The following MFSD2B variants were observed in gnomAD, a reference collection of about 807,000 sequenced individuals.
The protein encoded by MFSD2B is sphingosine-1-phosphate transporter MFSD2B.
In MFSD2B, 56 loss-of-function variants were observed where a neutral mutation model predicts 58.4. The ratio of observed to expected loss-of-function variants is 0.96; its 90% CI spans 0.77 to 1.20. MFSD2B has a LOEUF of 1.20. Ranked by LOEUF, MFSD2B falls within the 50% of genes most tolerant of loss-of-function variation. The pLI, the probability that MFSD2B is intolerant of heterozygous loss-of-function variation, is 0.00. For missense variants in MFSD2B, 645 were observed against 667.6 expected, an observed-to-expected ratio of 0.97 and a Z score of 0.37; for synonymous variants, 287 against 294.4, an observed-to-expected ratio of 0.97 and a Z score of 0.26.
In MFSD2B at chr2:24,023,264, G is replaced by C. The variant is rs374517242; in HGVS notation, c.1169+25G>C. ...GGTAGGCTGGGTGTGGGGGCCTCAC[G>C]TGTGTCCACAGTGGGTGTCACCTCC... On this transcript the variant is annotated intron_variant, in intron 11 of 13. Transcript: ENST00000338315. The surrounding 1 kb of genome is among the most constrained non-coding windows in gnomAD (Gnocchi z 5.0). 1.5e-5 allele frequency: 24 copies of C among 1,567,232 alleles called. No homozygotes were observed. In the Admixed American group the frequency reaches 3.3e-4, roughly 22 times the overall value.
chr2:24,010,331 G>A, intron 1 of MFSD2B, 139 bp downstream of exon 1: 1 of 628,630 alleles, frequency 1.6e-6, no homozygotes, highest in Non-Finnish European at 2.4e-6. Flanking sequence ...GCCCTCGCGG[G>A]GTTACACGGC....
intron 2 of MFSD2B, 98 bp downstream of exon 2, chr2:24,013,508 A>G (rs1709029818): frequency 7.8e-7 from 1 of 1,279,204 alleles, no homozygotes; most frequent in Non-Finnish European, 1.0e-6. Flanking sequence ...CCTTGTAGAC[A>G]GCACTTCTGA....
chr2:24,012,691 G>T lies in MFSD2B; in HGVS notation c.97-594G>T, dbSNP rs115903294. Among the ~76,000 whole-genome samples, 1,486 of 152,302 alleles carry T rather than the reference G, an allele frequency of 9.8e-3. 19 individuals carry two copies. Among genetic ancestry groups the T allele is most frequent in the African/African-American group, 0.034 (1,401 of 41,566 alleles). On this transcript the variant is annotated intron_variant, in intron 1 of 13. Coordinates refer to ENST00000338315, the MANE Select transcript of MFSD2B (RefSeq NM_001346880.2). This position sits in a 1 kb window ranked among gnomAD's most constrained non-coding sequence, Gnocchi z 4.5. ...AAGTTTGTGGCCTGAGCCACTGAGG[G>T]GACCAGCGGTGCCATTTGCTAGGAG...
In MFSD2B at chr2:24,023,048, G is replaced by C. The variant is rs961406303; in HGVS notation, c.1060-82G>C. On this transcript the variant is annotated intron_variant, in intron 10 of 13. Transcript: ENST00000338315. The surrounding 1 kb of genome is among the most constrained non-coding windows in gnomAD (Gnocchi z 5.0). ...GGCCTAGCACAGGGCAAGGCATGGG[G>C]GTCGTCAGTCGAGTCGTGTGTGAAG... 3 of 1,360,280 alleles carry C rather than the reference G, an allele frequency of 2.2e-6. No individual in the cohort carries two copies. Among genetic ancestry groups the C allele is most frequent in the Admixed American group, 3.4e-5 (2 of 59,262 alleles). The allele number at this position is 1,360,280 out of a possible 1,614,324, so 84.3% of individuals were successfully genotyped here. A position where few individuals can be genotyped will look rare whatever the true frequency, so the allele number is the denominator to read the frequency against.
intron 1 of MFSD2B, chr2:24,013,014 T>C: frequency 3.1e-6 from 1 of 319,662 alleles, no homozygotes; most frequent in East Asian, 4.9e-5. Flanking sequence ...CCGTGCTGAC[T>C]CAGTAAATGA....
At chr2:24,019,115 T>G (rs1480815702) in intron 6 of MFSD2B, among the ~76,000 whole-genome samples, 1 of 152,100 alleles carries the variant, frequency 6.6e-6, no homozygotes, top group East Asian at 1.9e-4. Flanking sequence ...CCTCCCAAAG[T>G]GCTGGGATTA....
rs1662839912 is a variant in MFSD2B at position 24,022,704 on chromosome 2, C to G, written c.979-118C>G. The G allele has an allele frequency of 1.1e-6, 1 of 872,070 alleles. No homozygotes were observed. The highest frequency in any genetic ancestry group is 1.7e-6 in the Non-Finnish European group (1 of 576,044). The allele number at this position is 872,070 out of a possible 1,614,324, so 54.0% of individuals were successfully genotyped here. ...CCAGGATTACAACATTCATAGCCAC[C>G]GGTTTGAACCAGGGGCAAGGCCAAG... On this transcript the variant is annotated intron_variant, in intron 9 of 13. Coordinates refer to ENST00000338315, the MANE Select transcript of MFSD2B (RefSeq NM_001346880.2). The surrounding 1 kb of genome is among the most constrained non-coding windows in gnomAD (Gnocchi z 4.5).
At chr2:24,015,905 G>A (rs202156440) in intron 2 of MFSD2B, among the ~76,000 whole-genome samples, 1 of 152,240 alleles carries the variant, frequency 6.6e-6, no homozygotes, top group East Asian at 1.9e-4. Context: ...CCCCAGATGA[G>A]GGCCCTGGAG....
In MFSD2B at chr2:24,010,188, G is replaced by A. The variant is rs1186329519; in HGVS notation, c.92G>A (p.Arg31Gln). The stretch of plus-strand genomic sequence containing the variant: ...GGCCCGGGGAGCGCCAAGCGAGGGC[G>A]AGAGGTGAGCGGGGCGGCGGGGACC... ...EPGPGSAKRG[R>Q]EDSRAGRLSF... is the part of the protein sequence containing the mutation. Residue 31 changes from arginine to glutamine, a missense_variant, in exon 1 of 14, where the codon CGA becomes CAA. Transcript: ENST00000338315. 2 of 1,417,088 alleles carry A rather than the reference G, an allele frequency of 1.4e-6. No homozygotes were observed. Among genetic ancestry groups the A allele is most frequent in the Non-Finnish European group, 1.8e-6 (2 of 1,091,484 alleles). The allele number at this position is 1,417,088 out of a possible 1,614,324, so 87.8% of individuals were successfully genotyped here. A position where few individuals can be genotyped will look rare whatever the true frequency, so the allele number is the denominator to read the frequency against.
In MFSD2B at chr2:24,022,210, T is replaced by C. The variant is rs1662816780; in HGVS notation, c.895-223T>C. ...TCCTCTCACATTACCTGAAGTGTAG[T>C]CAAGTCCACCTGATCACAGCTGAGC... On this transcript the variant is annotated intron_variant, in intron 8 of 13. Transcript: ENST00000338315. The surrounding 1 kb of genome is among the most constrained non-coding windows in gnomAD (Gnocchi z 4.5). Among the ~76,000 whole-genome samples, 1 of 152,070 alleles carries C rather than the reference T, an allele frequency of 6.6e-6. No individual in the cohort carries two copies. The highest frequency in any genetic ancestry group is 2.4e-5 in the African/African-American group (1 of 41,386).
At chr2:24,018,845 T>C (rs1247595965) in intron 6 of MFSD2B, 1 of 148,414 alleles carries the variant, frequency 6.7e-6, no homozygotes, top group Non-Finnish European at 1.4e-5. Context: ...GTTGGCCTTT[T>C]GTGCTTTTTT....
chr2:24,014,081 C>T (rs1343688082), intron 2 of MFSD2B, among the ~76,000 whole-genome samples: 3 of 151,342 alleles, frequency 2.0e-5, no homozygotes, highest in Non-Finnish European at 2.9e-5. Flanking sequence ...GGCATGATCT[C>T]GGCTCACTGC....
Position 24,024,375 on chromosome 2 carries a change from C to A in MFSD2B, c.1490+104C>A. 8.6e-7 allele frequency: 1 copy of A among 1,168,174 alleles called. No homozygotes were observed. The highest frequency in any genetic ancestry group is 1.2e-6 in the Non-Finnish European group (1 of 839,788). 72.4% of individuals were successfully genotyped at this position (1,168,174 alleles called of 1,614,324 possible). The stretch of plus-strand genomic sequence containing the variant: ...ATCCCTGCTGTGTCACACAGTCCTG[C>A]CTCTGGGACCTCTTTCCTTAGCTCA... On this transcript the variant is annotated intron_variant, in intron 13 of 13. Transcript: ENST00000338315. The surrounding 1 kb of genome is among the most constrained non-coding windows in gnomAD (Gnocchi z 4.3).
chr2:24,014,044 G>A (rs368091668), intron 2 of MFSD2B, among the ~76,000 whole-genome samples: 207 of 148,558 alleles, frequency 1.4e-3, no homozygotes, highest in African/African-American at 4.7e-3. Context: ...ATGGAGTCTC[G>A]CTCTGTCACC....
intron 1 of MFSD2B, 85 bp from the exon 2 acceptor site, chr2:24,013,200 C>T: frequency 7.2e-7 from 1 of 1,380,580 alleles, no homozygotes. Context: ...ATCACAGAGA[C>T]TCAGGATGTT....
chr2:24,024,323 G>T lies in MFSD2B; in HGVS notation c.1490+52G>T. ...AGCGAGGCACAGTGTGGGCTGCTGGGGGAATGACTAACACCAGCCTGCAGA... is the reference window on the plus strand; with the variant it reads ...AGCGAGGCACAGTGTGGGCTGCTGGTGGAATGACTAACACCAGCCTGCAGA... On this transcript the variant is annotated intron_variant, in intron 13 of 13. Transcript: ENST00000338315. This position sits in a 1 kb window ranked among gnomAD's most constrained non-coding sequence, Gnocchi z 4.3. The T allele has an allele frequency of 1.3e-6, 2 of 1,523,558 alleles. No homozygotes were observed. Among genetic ancestry groups the T allele is most frequent in the Non-Finnish European group, 1.8e-6 (2 of 1,129,384 alleles). The allele number at this position is 1,523,558 out of a possible 1,614,324, so 94.4% of individuals were successfully genotyped here.
intron 2 of MFSD2B, among the ~76,000 whole-genome samples, chr2:24,013,757 T>C (rs1217671878): frequency 9.7e-5 from 4 of 41,054 alleles, no homozygotes; most frequent in Non-Finnish European, 1.7e-4. Context: ...TATGAATTTT[T>C]TTGTTTTTTT....
At position 24,021,719 on chromosome 2, in the gene MFSD2B, A is replaced by T. The variant is rs745468231; in HGVS notation, c.753A>T (p.Leu251=). The change falls in exon 7 of 14, where the codon CTA becomes CTT. Residue 251 remains leucine (L), a synonymous_variant. Coordinates refer to ENST00000338315, the MANE Select transcript of MFSD2B (RefSeq NM_001346880.2). The surrounding 1 kb of genome is among the most constrained non-coding windows in gnomAD (Gnocchi z 5.7). ...CCGTGTGCATCAGTTTACTGTGCCT[A>T]GGGGTGAAGGAGCGGCCAGGTATGG... ...TYPVCISLLC[L]GVKERPDPSA... The T allele has an allele frequency of 6.2e-7, 1 of 1,613,582 alleles. No individual in the cohort carries two copies. Among genetic ancestry groups the T allele is most frequent in the South Asian group, 1.1e-5 (1 of 90,970 alleles).
In MFSD2B at chr2:24,024,920, G is replaced by T. The variant is rs1007709245; in HGVS notation, c.1491-512G>T. Reference sequence around the variant, plus strand: ...GGATCTACTCACTGTCTGACCTTCCGGGGAGGCTATGGGAACCTTGAAGGC... The same window carrying T: ...GGATCTACTCACTGTCTGACCTTCCTGGGAGGCTATGGGAACCTTGAAGGC... On this transcript the variant is annotated intron_variant, in intron 13 of 13. Coordinates refer to ENST00000338315, the MANE Select transcript of MFSD2B (RefSeq NM_001346880.2). The surrounding 1 kb of genome is among the most constrained non-coding windows in gnomAD (Gnocchi z 4.3). Among the ~76,000 whole-genome samples the T allele has an allele frequency of 6.6e-6, 1 of 152,074 alleles. No homozygotes were observed. Among genetic ancestry groups the T allele is most frequent in the Non-Finnish European group, 1.5e-5 (1 of 68,010 alleles).
Sources: allele counts gnomAD v4.1 joint callset (sites outside exome capture counted in the v4.1 genomes callset), GRCh38; gene constraint gnomAD v4.1.1; non-coding constraint Gnocchi (gnomAD v3.1); transcripts MANE v1.5; gene names NCBI Gene and HGNC (gene_info 2026-07-23, HGNC 2026-07-21).